The following PROM2 variants were observed in gnomAD, a reference collection of about 807,000 sequenced individuals.
The protein encoded by PROM2 is prominin-2.
PROM2 carries 90 observed loss-of-function variants against 110.2 expected under a neutral mutation model. The observed-to-expected ratio is 0.82, with a 90% CI of 0.69 to 0.97. The LOEUF is 0.97. Ranked by LOEUF, PROM2 falls within the 50% of genes least tolerant of loss-of-function variation. The pLI is 0.00. For synonymous variants in PROM2, 470 were observed against 467.8 expected (o/e 1.00, Z -0.06); for missense variants, 1,009 against 1,074.8 (o/e 0.94, Z 0.86).
rs1429005724 is a variant in PROM2, at chr2:95,276,314, C to T, written c.585C>T (p.Leu195=). ...TCGAGGCCATGCCTGAGACCCTGCT[C>T]AGCCTCTGGGGCCTGGTCTCTGATG... ...PSIEAMPETL[L]SLWGLVSDVP... Residue 195 remains leucine (L), a synonymous_variant, in exon 4 of 24, where the codon CTC becomes CTT. Coordinates refer to ENST00000317620, the MANE Select transcript of PROM2 (RefSeq NM_001165978.3). This position sits in a 1 kb window ranked among gnomAD's most constrained non-coding sequence, Gnocchi z 4.6. The T allele has an allele frequency of 3.1e-6, 5 of 1,613,634 alleles. No individual in the cohort carries two copies. The African/African-American group carries it at 5.3e-5, about 17-fold the overall frequency.
rs1676854610 is a variant in PROM2 at position 95,279,051 on chromosome 2, TG to T, written c.1183del (p.Glu395ArgfsTer135). Reference sequence around the variant, plus strand: ...ACACTGGCTGAAGGGTTCCCGGGCTTGGAGGCAGCTTCCCGCTGGGCCCAGG... The same window carrying T: ...ACACTGGCTGAAGGGTTCCCGGGCTTGAGGCAGCTTCCCGCTGGGCCCAGG... ...VRTLAEGFPG[L>X]EAASRWAQAL... On this transcript the variant is annotated frameshift_variant, in exon 10 of 24. Transcript: ENST00000317620. LOFTEE classifies it high-confidence loss of function. 4 of 1,612,398 alleles carry T rather than the reference TG, an allele frequency of 2.5e-6. No individual in the cohort carries two copies. The highest frequency in any genetic ancestry group is 2.5e-6 in the Non-Finnish European group (3 of 1,179,506).
At position 95,288,161 on chromosome 2, in the gene PROM2, C is replaced by T. The variant is rs763511377; in HGVS notation, c.2245-50C>T. 22 of 1,580,028 alleles carry T rather than the reference C, an allele frequency of 1.4e-5. No individual in the cohort carries two copies. The Admixed American group carries it at 3.0e-4, about 22-fold the overall frequency. Reference sequence around the variant, plus strand: ...TCCCTGAATTGAATATGGGTGTGCGCCTGTGGGTCCAGGTGTCTCTGCATC... The same window carrying T: ...TCCCTGAATTGAATATGGGTGTGCGTCTGTGGGTCCAGGTGTCTCTGCATC... On this transcript the variant is annotated intron_variant, in intron 20 of 23. Coordinates refer to ENST00000317620, the MANE Select transcript of PROM2 (RefSeq NM_001165978.3).
rs941275544 is a variant in PROM2, at chr2:95,289,225, G to A, written c.*12G>A. ...CGTTTCCTTCTTAATCCCTGACAGG[G>A]TGAGGTGACCCTGAGGCTGCCTGTC... On this transcript the variant is annotated splice_region_variant and 3_prime_UTR_variant, in exon 24 of 24. Transcript: ENST00000317620. 4 of 578,930 alleles carry A rather than the reference G, an allele frequency of 6.9e-6. No homozygotes were observed. The highest frequency in any genetic ancestry group is 3.7e-5 in the African/African-American group (2 of 53,334). 35.9% of individuals were successfully genotyped at this position (578,930 alleles called of 1,614,324 possible).
chr2:95,288,634 G>C lies in PROM2; in HGVS notation c.2441+45G>C, dbSNP rs767875622. 9 of 1,546,216 alleles carry C rather than the reference G, an allele frequency of 5.8e-6. No individual in the cohort carries two copies. In the East Asian group the frequency reaches 1.8e-4, roughly 31 times the overall value. On this transcript the variant is annotated intron_variant, in intron 22 of 23. Coordinates refer to ENST00000317620, the MANE Select transcript of PROM2 (RefSeq NM_001165978.3). ...GCAGGCAGCATCAGGGGCCAGGGAG[G>C]TGTCCTTTCAGCCGCCAGGGTCCCC... is the stretch of plus-strand genomic sequence containing the variant.
chr2:95,285,817 C>G, intron 16 of PROM2, 107 bp downstream of exon 16: 1 of 1,074,920 alleles, frequency 9.3e-7, no homozygotes, highest in South Asian at 1.4e-5. Flanking sequence ...TGAGGACCCC[C>G]ACCAGTGAGG....
intron 22 of PROM2, 52 bp from the exon 23 acceptor site, chr2:95,288,881 G>A (rs1677539485): frequency 3.2e-6 from 5 of 1,559,478 alleles, no homozygotes; most frequent in South Asian, 1.1e-5. Flanking sequence ...CTGTGTCAGG[G>A]CTGAGGGTCT....
Position 95,276,263 on chromosome 2 carries a change from C to T in PROM2, c.534C>T (p.Arg178=). Residue 178 remains arginine (R), a synonymous_variant, in exon 4 of 24, where the codon CGC becomes CGT. Coordinates refer to ENST00000317620, the MANE Select transcript of PROM2 (RefSeq NM_001165978.3). This position sits in a 1 kb window ranked among gnomAD's most constrained non-coding sequence, Gnocchi z 4.6. ...TCTGTGCCTTTGTCACCAACCAGCG[C>T]ACGCATGAACAGATGGGCCCCAGCA... The part of the protein sequence containing the change: ...GVVCAFVTNQ[R]THEQMGPSIE... 4 of 1,613,926 alleles carry T rather than the reference C, an allele frequency of 2.5e-6. No individual in the cohort carries two copies. Among genetic ancestry groups the T allele is most frequent in the Non-Finnish European group, 3.4e-6 (4 of 1,180,034 alleles).
In PROM2 at chr2:95,284,951, C is replaced by T. The variant is rs766704154; in HGVS notation, c.1729-18C>T. The T allele has an allele frequency of 1.0e-5, 16 of 1,606,202 alleles. No individual in the cohort carries two copies. The East Asian group carries it at 3.3e-4, about 34-fold the overall frequency. On this transcript the variant is annotated intron_variant, in intron 14 of 23. Coordinates refer to ENST00000317620, the MANE Select transcript of PROM2 (RefSeq NM_001165978.3). ...TCAGCAACTGGGCATGACTCCCACC[C>T]TGCGCCTGCTCTCCCAGTATACCAA...
chr2:95,289,250 C>T lies in PROM2; in HGVS notation c.*37C>T, dbSNP rs539214441. The T allele has an allele frequency of 9.0e-6, 5 of 553,368 alleles. No individual in the cohort carries two copies. The highest frequency in any genetic ancestry group is 3.1e-5 in the East Asian group (1 of 32,502). 34.3% of individuals were successfully genotyped at this position (553,368 alleles called of 1,614,324 possible). A position where few individuals can be genotyped will look rare whatever the true frequency, so the allele number is the denominator to read the frequency against. ...GTGAGGTGACCCTGAGGCTGCCTGT[C>T]CTCCCCTTTGATTTAGCCTGGGCCA... On this transcript the variant is annotated 3_prime_UTR_variant, in exon 24 of 24. Coordinates refer to ENST00000317620, the MANE Select transcript of PROM2 (RefSeq NM_001165978.3).
intron 11 of PROM2, 107 bp downstream of exon 11, chr2:95,280,104 T>C: frequency 1.7e-6 from 2 of 1,149,064 alleles, no homozygotes; most frequent in Non-Finnish European, 2.2e-6. Context: ...AGTGTCATCA[T>C]CTGAATAAAG....
intron 17 of PROM2, 113 bp from the exon 18 acceptor site, chr2:95,286,691 C>T: frequency 1.5e-6 from 1 of 679,626 alleles, no homozygotes; most frequent in South Asian, 1.8e-5. Flanking sequence ...CTCCTCTCCC[C>T]TCCTCTCCCC....
At position 95,275,580 on chromosome 2, in the gene PROM2, C is replaced by T; in HGVS notation, c.294+70C>T. ...GAGCAGCAGGGTGGGAGCAGAAAAG[C>T]CTTGGCTCCCCTTAGCCCACCTCGC... On this transcript the variant is annotated intron_variant, in intron 2 of 23. Transcript: ENST00000317620. This position sits in a 1 kb window ranked among gnomAD's most constrained non-coding sequence, Gnocchi z 4.4. 2 of 1,559,170 alleles carry T rather than the reference C, an allele frequency of 1.3e-6. No individual in the cohort carries two copies. The highest frequency in any genetic ancestry group is 1.8e-6 in the Non-Finnish European group (2 of 1,141,092).
chr2:95,289,431 G>C lies in PROM2; in HGVS notation c.*218G>C, dbSNP rs1677570921. ...ACGCTCAGAATCACATGGGACTTCT[G>C]TGCAGCTGCAGAGCCAGCAAGTCCC... On this transcript the variant is annotated 3_prime_UTR_variant, in exon 24 of 24. Coordinates refer to ENST00000317620, the MANE Select transcript of PROM2 (RefSeq NM_001165978.3). 5.1e-6 allele frequency: 1 copy of C among 197,492 alleles called. No individual in the cohort carries two copies. The highest frequency in any genetic ancestry group is 1.0e-5 in the Non-Finnish European group (1 of 96,184). The allele number at this position is 197,492 out of a possible 1,614,324, so 12.2% of individuals were successfully genotyped here.
Position 95,278,742 on chromosome 2 carries a change from C to A in PROM2, c.1072C>A (p.Leu358Ile). 6.2e-7 allele frequency: 1 copy of A among 1,614,104 alleles called. No homozygotes were observed. The highest frequency in any genetic ancestry group is 8.5e-7 in the Non-Finnish European group (1 of 1,180,032). The change falls in exon 9 of 24, where the codon CTT becomes ATT. Residue 358 changes from leucine (L) to isoleucine (I), a missense_variant. Coordinates refer to ENST00000317620, the MANE Select transcript of PROM2 (RefSeq NM_001165978.3). ...GCAGGAGAACAGCACCTTCAACGCC[C>A]TTCCAGCCCTGGCTGCCATGCAGAC... ...VQEENSTFNALPALAAMQTSS... is the reference protein window; with the variant it reads ...VQEENSTFNAIPALAAMQTSS...
chr2:95,276,209 C>T lies in PROM2; in HGVS notation c.498-18C>T, dbSNP rs1676649684. 2 of 1,613,778 alleles carry T rather than the reference C, an allele frequency of 1.2e-6. No homozygotes were observed. The highest frequency in any genetic ancestry group is 1.7e-6 in the Non-Finnish European group (2 of 1,179,988). The stretch of plus-strand genomic sequence containing the variant: ...CTCTTACCCAGCAAGCACCTTCCTC[C>T]TCCCTCCATTCCCACAGGATTGGTG... On this transcript the variant is annotated intron_variant, in intron 3 of 23. Coordinates refer to ENST00000317620, the MANE Select transcript of PROM2 (RefSeq NM_001165978.3). The surrounding 1 kb of genome is among the most constrained non-coding windows in gnomAD (Gnocchi z 4.6).
rs770359523 is a variant in PROM2 at position 95,288,590 on chromosome 2, G to C, written c.2441+1G>C. On this transcript the variant is annotated splice_donor_variant, in intron 22 of 23. Transcript: ENST00000317620. LOFTEE classifies it high-confidence loss of function. ...TCCGTCCTATCCGGAAACGCCTCAG[G>C]TGAGGGGCTGCCAGGGCTGCAGGCA... The C allele has an allele frequency of 1.2e-6, 2 of 1,612,686 alleles. No homozygotes were observed. The highest frequency in any genetic ancestry group is 2.2e-5 in the South Asian group (2 of 90,970).
In PROM2 at chr2:95,277,357, C is replaced by T. The variant is rs1379922477; in HGVS notation, c.773-7C>T. ...GACCCTGCTCAGGCTGGGTGTGGGTCTCTCAGTCCTGCAGGTCTCCGTGCA... is the reference window on the plus strand; with the variant it reads ...GACCCTGCTCAGGCTGGGTGTGGGTTTCTCAGTCCTGCAGGTCTCCGTGCA... On this transcript the variant is annotated splice_region_variant and splice_polypyrimidine_tract_variant and intron_variant, in intron 6 of 23. Transcript: ENST00000317620. 6.2e-7 allele frequency: 1 copy of T among 1,603,740 alleles called. No homozygotes were observed. Among genetic ancestry groups the T allele is most frequent in the African/African-American group, 1.3e-5 (1 of 74,722 alleles).
rs200619262 is a variant in PROM2 at position 95,281,890 on chromosome 2, C to T, written c.1552-35C>T. On this transcript the variant is annotated intron_variant, in intron 12 of 23. Coordinates refer to ENST00000317620, the MANE Select transcript of PROM2 (RefSeq NM_001165978.3). The stretch of plus-strand genomic sequence containing the variant: ...GACCAGGGTGGCCTTGCCCCCACCC[C>T]GCTCTGTGCCCATTTCTCACTGCCC... 9.1e-5 allele frequency: 140 copies of T among 1,533,296 alleles called. 1 individual carries two copies. Among genetic ancestry groups the T allele is most frequent in the African/African-American group, 6.7e-4 (49 of 73,550 alleles). The allele number at this position is 1,533,296 out of a possible 1,614,324, so 95.0% of individuals were successfully genotyped here.
chr2:95,285,207 C>A, intron 15 of PROM2, 92 bp downstream of exon 15: 1 of 1,359,368 alleles, frequency 7.4e-7, no homozygotes, highest in Non-Finnish European at 9.8e-7. Flanking sequence ...CTTGCCTTGT[C>A]CCAGCTCTGG....
Sources: gnomAD v4.1 joint callset for allele counts on GRCh38, gnomAD v4.1.1 for gene constraint, Gnocchi (gnomAD v3.1) non-coding constraint, MANE v1.5 for transcripts, NCBI Gene and HGNC (gene_info 2026-07-23, HGNC 2026-07-21) for gene names.